Variants in BMAL2 observed in about 807,000 individuals in gnomAD.
The protein encoded by BMAL2 is basic helix-loop-helix ARNT like 2.
the BMAL2 span, among the ~76,000 whole-genome samples, chr12:27,335,151 T>C: frequency 6.6e-6 from 1 of 152,246 alleles, no homozygotes; most frequent in Admixed American, 6.5e-5. Flanking sequence ...AAAACAGGCC[T>C]CTGGGCCAGT....
chr12:27,396,304 G>GA, the BMAL2 span, among the ~76,000 whole-genome samples: 1 of 152,192 alleles, frequency 6.6e-6, no homozygotes, highest in African/African-American at 2.4e-5. Flanking sequence ...GAAGAGAAGA[G>GA]AAAACAGAGA....
At chr12:27,413,870 T>A in the BMAL2 span, among the ~76,000 whole-genome samples, 1 of 152,220 alleles carries the variant, frequency 6.6e-6, no homozygotes. Context: ...ACAGAATAGA[T>A]GTTAAGTCAA....
the BMAL2 span, among the ~76,000 whole-genome samples, chr12:27,338,670 A>G: frequency 6.6e-6 from 1 of 152,240 alleles, no homozygotes; most frequent in Non-Finnish European, 1.5e-5. Context: ...GTGATGAGGC[A>G]TGGACAGTGA....
At chr12:27,335,895 A>G in the BMAL2 span, among the ~76,000 whole-genome samples, 1 of 152,244 alleles carries the variant, frequency 6.6e-6, no homozygotes, top group East Asian at 1.9e-4. Context: ...ATATATAGGG[A>G]AAGCCAAAAT....
At chr12:27,407,359 C>G in the BMAL2 span, among the ~76,000 whole-genome samples, 1 of 152,156 alleles carries the variant, frequency 6.6e-6, no homozygotes, top group Non-Finnish European at 1.5e-5. Context: ...CACTCCTCAG[C>G]AAATGTAAAA....
chr12:27,360,867 T>G, the BMAL2 span, among the ~76,000 whole-genome samples: 5 of 142,400 alleles, frequency 3.5e-5, no homozygotes, highest in Non-Finnish European at 4.5e-5. Context: ...CACAAAGATT[T>G]TTCCGGGTTT....
chr12:27,381,930 G>A, the BMAL2 span, among the ~76,000 whole-genome samples: 1 of 152,176 alleles, frequency 6.6e-6, no homozygotes, highest in Non-Finnish European at 1.5e-5. Flanking sequence ...TCTTAGTTTA[G>A]ATCTCAAACA....
the BMAL2 span, chr12:27,376,494 G>A: frequency 1.1e-6 from 1 of 916,064 alleles, no homozygotes; most frequent in Non-Finnish European, 1.7e-6. Context: ...TTGAAGATGA[G>A]GCTTTTCTCT....
chr12:27,420,649 T>A, the BMAL2 span: 1 of 1,177,406 alleles, frequency 8.5e-7, no homozygotes, highest in East Asian at 2.8e-5. Context: ...ATTAATGTTC[T>A]ACCACTTTTT....
chr12:27,417,501 G>A, the BMAL2 span, among the ~76,000 whole-genome samples: 1 of 152,094 alleles, frequency 6.6e-6, no homozygotes, highest in African/African-American at 2.4e-5. Flanking sequence ...TAGAATCATG[G>A]CTTCAACACC....
the BMAL2 span, among the ~76,000 whole-genome samples, chr12:27,373,933 A>T: frequency 6.6e-6 from 1 of 152,240 alleles, no homozygotes; most frequent in African/African-American, 2.4e-5. Flanking sequence ...TTTGTAAAAT[A>T]TTAGGATTAT....
the BMAL2 span, among the ~76,000 whole-genome samples, chr12:27,373,639 G>A: frequency 6.0e-4 from 92 of 152,128 alleles, 1 homozygote; most frequent in Middle Eastern, 3.4e-3. Flanking sequence ...AAGTGGGAGC[G>A]GCACACAGAA....
the BMAL2 span, among the ~76,000 whole-genome samples, chr12:27,410,756 A>ATAATTTT: frequency 2.0e-5 from 3 of 152,132 alleles, no homozygotes; most frequent in African/African-American, 7.2e-5. Flanking sequence ...AAAAAAAATA[A>ATAATTTT]TAATTTTTAA....
the BMAL2 span, among the ~76,000 whole-genome samples, chr12:27,419,723 G>A: frequency 6.7e-3 from 1,018 of 152,220 alleles, 10 homozygotes; most frequent in African/African-American, 0.024. Context: ...CACACATAGA[G>A]CCATATATTT....
the BMAL2 span, among the ~76,000 whole-genome samples, chr12:27,337,520 G>T: frequency 6.6e-6 from 1 of 152,118 alleles, no homozygotes; most frequent in Non-Finnish European, 1.5e-5. Flanking sequence ...TCCTCAGGCT[G>T]TTGGCTGTTC....
At chr12:27,400,399 C>A in the BMAL2 span, 1 of 683,194 alleles carries the variant, frequency 1.5e-6, no homozygotes, top group Non-Finnish European at 2.2e-6. Flanking sequence ...AATGGAATAC[C>A]ATTCCCCTTT....
chr12:27,341,599 T>C, the BMAL2 span, among the ~76,000 whole-genome samples: 1 of 152,256 alleles, frequency 6.6e-6, no homozygotes. Flanking sequence ...GACAGCCTAT[T>C]GGGAAGCAGG....
the BMAL2 span, among the ~76,000 whole-genome samples, chr12:27,416,347 A>T: frequency 4.6e-5 from 7 of 152,158 alleles, no homozygotes; most frequent in African/African-American, 1.7e-4. Flanking sequence ...CTTATTATTG[A>T]TATTGTAATA....
chr12:27,419,046 G>C, the BMAL2 span, among the ~76,000 whole-genome samples: 5 of 151,596 alleles, frequency 3.3e-5, no homozygotes, highest in African/African-American at 7.3e-5. Context: ...AATCAGCTAT[G>C]AGTATTGGTA....
Sources: allele counts gnomAD v4.1 joint callset (sites outside exome capture counted in the v4.1 genomes callset), GRCh38; gene constraint gnomAD v4.1.1; transcripts MANE v1.5; gene names NCBI Gene and HGNC (gene_info 2026-07-23, HGNC 2026-07-21).